PCGF3: variants seen among roughly 807,000 people sequenced by gnomAD.
The protein encoded by PCGF3 is polycomb group ring finger 3, also known as polycomb group RING finger protein 3.
In PCGF3, 7 loss-of-function variants were observed where a neutral mutation model predicts 33.1. The ratio of observed to expected loss-of-function variants is 0.21; its 90% CI spans 0.12 to 0.40. The LOEUF is 0.40. Among genes scored for constraint, PCGF3 ranks in the 10% least tolerant of loss-of-function variants. The pLI is 1.00. For synonymous variants in PCGF3, 153 were observed against 121.3 expected (o/e 1.26, Z -1.72); for missense variants, 211 against 313.3 (o/e 0.67, Z 2.46).
At chr4:727,310 G>A (rs1464725003) in intron 1 of PCGF3, among the ~76,000 whole-genome samples, 3 of 139,576 alleles carry the variant, frequency 2.1e-5, no homozygotes, top group Non-Finnish European at 1.5e-5. Context: ...GCGCGATCTC[G>A]GCTCACTGCA....
chr4:768,503 T>C (rs1250768061), exon 11 of PCGF3: 3 of 152,168 alleles, frequency 2.0e-5, no homozygotes, highest in East Asian at 3.8e-4. Context: ...ATGGAGTTAC[T>C]GTGAAGAAGT....
At chr4:722,295 C>T (rs1441661886) in intron 1 of PCGF3, 2 of 166,290 alleles carry the variant, frequency 1.2e-5, no homozygotes, top group Non-Finnish European at 2.6e-5. Flanking sequence ...GCAGAAGCTA[C>T]TGTGTTATCC....
intron 1 of PCGF3, among the ~76,000 whole-genome samples, chr4:715,915 G>A (rs878939654): frequency 2.5e-5 from 3 of 119,642 alleles, no homozygotes; most frequent in African/African-American, 3.0e-5. Context: ...ACTGGGCGTC[G>A]GTGCTGGGAC....
chr4:760,859 C>G (rs900784688), intron 8 of PCGF3, among the ~76,000 whole-genome samples: 1 of 152,256 alleles, frequency 6.6e-6, no homozygotes, highest in Non-Finnish European at 1.5e-5. Context: ...TGTGGCCCTG[C>G]TCAAGGCTTC....
At chr4:715,353 A>AC (rs1742769831) in intron 1 of PCGF3, among the ~76,000 whole-genome samples, 1 of 129,724 alleles carries the variant, frequency 7.7e-6, no homozygotes, top group Non-Finnish European at 1.6e-5. Context: ...CGGTGCTGGG[A>AC]CCTTGTAGAC....
intron 1 of PCGF3, among the ~76,000 whole-genome samples, chr4:714,865 C>G (rs1378328924): frequency 5.3e-5 from 8 of 152,272 alleles, no homozygotes; most frequent in Admixed American, 5.2e-4. Context: ...AGTCCCTTTA[C>G]AGCAGTCCAT....
chr4:740,308 G>C (rs1405732506), intron 6 of PCGF3, among the ~76,000 whole-genome samples: 1 of 152,250 alleles, frequency 6.6e-6, no homozygotes, highest in Non-Finnish European at 1.5e-5. Context: ...CTTGCTGGAA[G>C]AGAGTTCCCT....
At chr4:738,894 G>A (rs762335096) in intron 6 of PCGF3, among the ~76,000 whole-genome samples, 34 of 152,044 alleles carry the variant, frequency 2.2e-4, no homozygotes, top group South Asian at 6.2e-4. Flanking sequence ...GTGCACTGGA[G>A]CGTTTCAAAC....
intron 1 of PCGF3, among the ~76,000 whole-genome samples, chr4:713,091 T>C (rs963389860): frequency 3.4e-5 from 5 of 145,576 alleles, no homozygotes; most frequent in Admixed American, 6.7e-5. Flanking sequence ...GTGGGTCCTA[T>C]GTTCTTCGTG....
chr4:764,539 C>T lies in PCGF3; in HGVS notation c.601-445C>T, dbSNP rs116808701. 3.3e-3 allele frequency: 516 copies of T among 157,032 alleles called. 3 individuals are homozygous for T. Among genetic ancestry groups the T allele is most frequent in the African/African-American group, 0.012 (494 of 41,606 alleles). 9.7% of individuals were successfully genotyped at this position (157,032 alleles called of 1,614,324 possible). A position where few individuals can be genotyped will look rare whatever the true frequency, so the allele number is the denominator to read the frequency against. On this transcript the variant is annotated intron_variant, in intron 9 of 10. Coordinates refer to ENST00000362003, the Ensembl canonical transcript of PCGF3. ...CCCGATTCCGGAGCTGTCAGGGCTG[C>T]TCATGGGGCTGCAAACCACCTCTTC...
chr4:735,541 T>G (rs2109619995), intron 5 of PCGF3, among the ~76,000 whole-genome samples: 1 of 152,314 alleles, frequency 6.6e-6, no homozygotes, highest in African/African-American at 2.4e-5. Context: ...CGAGACTCTG[T>G]CTCAAAGAGA....
chr4:740,158 G>A (rs1311813680), intron 6 of PCGF3, among the ~76,000 whole-genome samples: 1 of 152,258 alleles, frequency 6.6e-6, no homozygotes, highest in Admixed American at 6.5e-5. Context: ...TTAGCTGCGA[G>A]GATGCAGTGG....
At chr4:739,917 G>C (rs1744013766) in intron 6 of PCGF3, among the ~76,000 whole-genome samples, 1 of 152,240 alleles carries the variant, frequency 6.6e-6, no homozygotes, top group Admixed American at 6.5e-5. Flanking sequence ...TCCCTGACCA[G>C]CTCCTGTCTC....
chr4:710,291 C>G (rs1742509570), intron 1 of PCGF3, among the ~76,000 whole-genome samples: 1 of 152,192 alleles, frequency 6.6e-6, no homozygotes, highest in African/African-American at 2.4e-5. Context: ...GACCTCAGTT[C>G]CTTTCTCTAT....
At chr4:760,139 A>G (rs1744969063) in intron 8 of PCGF3, among the ~76,000 whole-genome samples, 1 of 152,220 alleles carries the variant, frequency 6.6e-6, no homozygotes, top group Non-Finnish European at 1.5e-5. Context: ...GGCTGTGCTC[A>G]GTGACTGCAC....
intron 8 of PCGF3, among the ~76,000 whole-genome samples, chr4:752,161 G>T (rs755358838): frequency 6.6e-5 from 10 of 152,350 alleles, no homozygotes; most frequent in Non-Finnish European, 1.0e-4. Flanking sequence ...CTTGACCTTG[G>T]GAGTTTGGAA....
At chr4:715,352 G>A (rs55758867) in intron 1 of PCGF3, among the ~76,000 whole-genome samples, 22,922 of 119,202 alleles carry the variant, frequency 0.19, 3,174 homozygotes, top group South Asian at 0.27. Flanking sequence ...TCGGTGCTGG[G>A]ACCTTGTAGA....
rs13109647 is a variant in PCGF3, at chr4:715,381, C to T, written c.-190+9411C>T. ...TTGTAGACACTGTGAGTGTGAGAAC[C>T]GGGCATCGGTGCTGGGACCCTGTAG... On this transcript the variant is annotated intron_variant, in intron 1 of 10. Transcript: ENST00000362003. Among the ~76,000 whole-genome samples, 79 of 77,434 alleles carry T rather than the reference C, an allele frequency of 1.0e-3. 1 individual carries two copies. The highest frequency in any genetic ancestry group is 1.6e-3 in the African/African-American group (31 of 19,910). 50.8% of individuals were successfully genotyped at this position (77,434 alleles called of 152,430 possible). A position where few individuals can be genotyped will look rare whatever the true frequency, so the allele number is the denominator to read the frequency against.
rs1448267593 is a variant in PCGF3 at position 758,809 on chromosome 4, T to A, written c.463-2470T>A. Among the ~76,000 whole-genome samples the A allele has an allele frequency of 1.8e-4, 4 of 21,824 alleles. 1 individual carries two copies. In the East Asian group the frequency reaches 4.8e-3, roughly 26 times the overall value. 14.3% of individuals were successfully genotyped at this position (21,824 alleles called of 152,430 possible). On this transcript the variant is annotated intron_variant, in intron 8 of 10. Coordinates refer to ENST00000362003, the Ensembl canonical transcript of PCGF3. ...CCGCGCGGCCCCTCTCCCGAGCTCT[T>A]CTTGCTCCGGACTCCGGGTCTTTCT...
Sources: allele counts gnomAD v4.1 joint callset (sites outside exome capture counted in the v4.1 genomes callset), GRCh38; gene constraint gnomAD v4.1.1; transcripts MANE v1.5; gene names NCBI Gene and HGNC (gene_info 2026-07-23, HGNC 2026-07-21).